The following IL1RL2 variants were observed in gnomAD, a reference collection of about 807,000 sequenced individuals.
The protein encoded by IL1RL2 is interleukin-1 receptor-like 2.
IL1RL2 carries 68 observed loss-of-function variants against 66.8 expected under a neutral mutation model. That is an observed-to-expected ratio of 1.02 (90% CI 0.84 to 1.25). IL1RL2 has a LOEUF of 1.25. Among genes scored for constraint, IL1RL2 ranks in the 50% most tolerant of loss-of-function variants. IL1RL2 has a pLI of 0.00. For synonymous variants in IL1RL2, 305 were observed against 264.6 expected (o/e 1.15, Z -1.48); for missense variants, 729 against 709.3 (o/e 1.03, Z -0.32).
intron 4 of IL1RL2, among the ~76,000 whole-genome samples, chr2:102,195,557 TTCTCTTTCTTTCTTTC>T (rs1408855946): frequency 0.024 from 2,689 of 113,996 alleles, 355 homozygotes; most frequent in Middle Eastern, 0.039. Flanking sequence ...ATTTCTTTCT[TTCTCTTTCTTTCTTTC>T]TTTCTTTCTT....
At chr2:102,225,237 C>G (rs1173332421) in intron 8 of IL1RL2, among the ~76,000 whole-genome samples, 2 of 152,216 alleles carry the variant, frequency 1.3e-5, no homozygotes, top group East Asian at 3.9e-4. Context: ...CATAATTACT[C>G]TGCAATGTAC....
At chr2:102,236,017 T>G (rs1219880205) in intron 11 of IL1RL2, 1 of 864,466 alleles carries the variant, frequency 1.2e-6, no homozygotes, top group Non-Finnish European at 1.4e-6. Flanking sequence ...GAGCAGCCTG[T>G]GAGAGACGCA....
downstream of IL1RL2, among the ~76,000 whole-genome samples, chr2:102,241,236 G>A (rs1675223323): frequency 6.6e-6 from 1 of 152,202 alleles, no homozygotes; most frequent in Admixed American, 6.5e-5. Flanking sequence ...CTAACTCTTG[G>A]GCTTCTGAGA....
At chr2:102,188,380 C>G (rs561508763) in intron 2 of IL1RL2, among the ~76,000 whole-genome samples, 68 of 152,098 alleles carry the variant, frequency 4.5e-4, no homozygotes, top group Middle Eastern at 3.4e-3. Flanking sequence ...GTCAGGAGAT[C>G]TAGACCATCC....
chr2:102,195,645 C>CTTCCTTTCTTTCTTTCTTTCTT (rs1262768286), intron 4 of IL1RL2, among the ~76,000 whole-genome samples: 1 of 20,236 alleles, frequency 4.9e-5, no homozygotes, highest in African/African-American at 1.1e-4. Flanking sequence ...CTCTCTCTCT[C>CTTCCTTTCTTTCTTTCTTTCTT]TCTTTCTTTC....
At chr2:102,200,142 G>A (rs1688133685) in intron 4 of IL1RL2, among the ~76,000 whole-genome samples, 1 of 140,422 alleles carries the variant, frequency 7.1e-6, no homozygotes, top group Non-Finnish European at 1.5e-5. Flanking sequence ...AAAAAAAAGT[G>A]CTTGTCTGTA....
intron 4 of IL1RL2, among the ~76,000 whole-genome samples, chr2:102,196,975 T>G (rs1192363296): frequency 6.6e-6 from 1 of 152,174 alleles, no homozygotes; most frequent in Non-Finnish European, 1.5e-5. Context: ...TTGAGAATGG[T>G]GGCATGCTGA....
At chr2:102,197,589 G>A (rs1393514292) in intron 4 of IL1RL2, among the ~76,000 whole-genome samples, 1 of 152,190 alleles carries the variant, frequency 6.6e-6, no homozygotes, top group African/African-American at 2.4e-5. Context: ...ACATTTTGCT[G>A]AGTCACCTAC....
intron 5 of IL1RL2, among the ~76,000 whole-genome samples, chr2:102,204,961 G>A (rs913954096): frequency 2.6e-5 from 4 of 151,726 alleles, no homozygotes; most frequent in Admixed American, 6.6e-5. Context: ...TTTAGTGAAG[G>A]TGATTTTGTC....
chr2:102,215,062 G>A (rs908397692), intron 6 of IL1RL2, among the ~76,000 whole-genome samples: 4 of 145,106 alleles, frequency 2.8e-5, no homozygotes, highest in Non-Finnish European at 6.0e-5. Flanking sequence ...TCTCTTTGCA[G>A]GGAAAAGGTA....
chr2:102,187,394 T>C, intron 1 of IL1RL2: 1 of 1,144,478 alleles, frequency 8.7e-7, no homozygotes, highest in Non-Finnish European at 1.1e-6. Context: ...GGTTTCTGTT[T>C]AGACCGCCAG....
intron 4 of IL1RL2, among the ~76,000 whole-genome samples, chr2:102,200,866 G>T (rs1688195601): frequency 6.6e-6 from 1 of 152,160 alleles, no homozygotes; most frequent in South Asian, 2.1e-4. Context: ...CATGGAGGAG[G>T]CATGGGAAGC....
rs139021486 is a variant in IL1RL2, at chr2:102,193,066, G to GCA, written c.489+960_489+961dup. On this transcript the variant is annotated intron_variant, in intron 4 of 11. Coordinates refer to ENST00000264257, the MANE Select transcript of IL1RL2 (RefSeq NM_003854.4). ...CTCTTACACACATACACACACACGTGCACACACACACACACTTACTTGATT... is the reference window on the plus strand; with the variant it reads ...CTCTTACACACATACACACACACGTGCACACACACACACACACTTACTTGATT... 1.7e-4 allele frequency among the ~76,000 whole-genome samples: 25 copies of GCA among 151,442 alleles called. 1 individual carries two copies. Among genetic ancestry groups the GCA allele is most frequent in the South Asian group, 6.3e-4 (3 of 4,782 alleles).
chr2:102,195,645 C>CTCTCTCTCTTTCTT (rs1559530440), intron 4 of IL1RL2, among the ~76,000 whole-genome samples: 16 of 20,252 alleles, frequency 7.9e-4, no homozygotes, highest in Non-Finnish European at 1.8e-3. Flanking sequence ...CTCTCTCTCT[C>CTCTCTCTCTTTCTT]TCTTTCTTTC....
intron 5 of IL1RL2, among the ~76,000 whole-genome samples, chr2:102,207,629 G>A (rs2310238): frequency 0.28 from 42,626 of 151,836 alleles, 6,615 homozygotes; most frequent in East Asian, 0.39. Flanking sequence ...AGTCCTCTCC[G>A]CTCTTCCCTC....
chr2:102,187,795 C>G, intron 1 of IL1RL2, 61 bp from the exon 2 acceptor site: 1 of 1,433,350 alleles, frequency 7.0e-7, no homozygotes, highest in Non-Finnish European at 9.8e-7. Flanking sequence ...TCGCCCACGC[C>G]GGCGCCTCGG....
At chr2:102,222,117 T>A (rs1690196246) in intron 8 of IL1RL2, among the ~76,000 whole-genome samples, 2 of 152,190 alleles carry the variant, frequency 1.3e-5, no homozygotes, top group Admixed American at 6.5e-5. Flanking sequence ...TTTTTGCCTG[T>A]TTTTGAGTTT....
Position 102,233,051 on chromosome 2 carries a change from C to T in IL1RL2, c.1224C>T (p.Ile408=), listed in dbSNP as rs1401159212. 1 of 1,614,168 alleles carries T rather than the reference C, an allele frequency of 6.2e-7. No homozygotes were observed. The highest frequency in any genetic ancestry group is 1.3e-5 in the African/African-American group (1 of 75,048). The change falls in exon 10 of 12, where the codon ATC becomes ATT. Residue 408 remains isoleucine, a synonymous_variant. Transcript: ENST00000264257. The part of the protein sequence containing the change: ...RHAVDALVLN[I]LPEVLERQCG... ...CCGTGGATGCCCTGGTGTTGAATAT[C>T]CTGCCCGAGGTGTTGGAGAGACAAT...
Position 102,191,950 on chromosome 2 carries a change from C to T in IL1RL2, c.319C>T (p.His107Tyr), listed in dbSNP as rs1029754612. The part of the protein sequence containing the change: ...IKGRDSCHRI[H>Y]VNLTVFEKHW... The stretch of plus-strand genomic sequence containing the variant: ...GGGTAGAGACAGCTGTCATAGAATA[C>T]ATGTAAACCTAACTGTTTTTGAAAA... Residue 107 changes from histidine (H) to tyrosine (Y), a missense_variant, in exon 4 of 12, where the codon CAT (histidine) becomes TAT (tyrosine). Coordinates refer to ENST00000264257, the MANE Select transcript of IL1RL2 (RefSeq NM_003854.4). The T allele has an allele frequency of 4.3e-6, 7 of 1,611,584 alleles. No homozygotes were observed. Among genetic ancestry groups the T allele is most frequent in the Non-Finnish European group, 5.1e-6 (6 of 1,178,848 alleles).
Sources: allele counts gnomAD v4.1 joint callset (sites outside exome capture counted in the v4.1 genomes callset), GRCh38; gene constraint gnomAD v4.1.1; transcripts MANE v1.5; gene names NCBI Gene and HGNC (gene_info 2026-07-23, HGNC 2026-07-21).